Variants in FOCAD observed in about 807,000 individuals in gnomAD.
FOCAD encodes the protein focadhesin, also known as KIAA1797.
Under a neutral mutation model 225.6 loss-of-function variants are expected in FOCAD, and 198 were observed. The observed-to-expected ratio is 0.88, with a 90% CI of 0.78 to 0.99. The LOEUF is 0.99. FOCAD is among the 50% of genes least tolerant of loss of function. FOCAD has a pLI of 0.00. For synonymous variants in FOCAD, 897 were observed against 755.0 expected (o/e 1.19, Z -3.08); for missense variants, 2,713 against 2,123.6 (o/e 1.28, Z -5.46).
At chr9:20,686,423 C>T (rs1019093645) in intron 1 of FOCAD, among the ~76,000 whole-genome samples, 3 of 152,176 alleles carry the variant, frequency 2.0e-5, no homozygotes, top group African/African-American at 7.2e-5. Flanking sequence ...TTACATCTTT[C>T]AGTTCTAGAA....
At chr9:20,836,635 A>C (rs993382211) in intron 15 of FOCAD, among the ~76,000 whole-genome samples, 2 of 152,034 alleles carry the variant, frequency 1.3e-5, no homozygotes, top group Admixed American at 6.6e-5. Context: ...CGAAAGTTGT[A>C]GTTTGGCCTT....
intron 25 of FOCAD, among the ~76,000 whole-genome samples, chr9:20,924,146 T>C (rs1366037720): frequency 6.6e-6 from 1 of 151,696 alleles, no homozygotes; most frequent in Non-Finnish European, 1.5e-5. Context: ...ATTTTAATTG[T>C]ATATGTCAAT....
At position 20,990,153 on chromosome 9, in the gene FOCAD, A is replaced by T. The variant is rs1457097230; in HGVS notation, c.5035A>T (p.Thr1679Ser). 6.2e-7 allele frequency: 1 copy of T among 1,613,992 alleles called. No homozygotes were observed. The highest frequency in any genetic ancestry group is 8.5e-7 in the Non-Finnish European group (1 of 1,180,012). The change falls in exon 42 of 44, where the codon ACC (threonine) becomes TCC (serine). Residue 1679 changes from threonine (T) to serine (S), a missense_variant. By Grantham distance (58) the Thr-to-Ser change is moderately conservative (BLOSUM62 1). Transcript: ENST00000338382. Reference sequence around the variant, plus strand: ...GGACTTCTTCTTGCTGATATTTGCAACCGCAGTGGTTGCATGGGCTGACCA... The same window carrying T: ...GGACTTCTTCTTGCTGATATTTGCATCCGCAGTGGTTGCATGGGCTGACCA... ...ALDFFLLIFA[T>S]AVVAWADHTA... is the part of the protein sequence containing the mutation.
rs561242478 is a variant in FOCAD, at chr9:20,808,392, C to G, written c.1456-11404C>G. ...AGGTTTGCCACCTGTAAGGCATTCACAGGCTAGTGTGTGTGAGAATGAATA... is the reference window on the plus strand; with the variant it reads ...AGGTTTGCCACCTGTAAGGCATTCAGAGGCTAGTGTGTGTGAGAATGAATA... On this transcript the variant is annotated intron_variant, in intron 11 of 43. Coordinates refer to ENST00000338382, the MANE Select transcript of FOCAD (RefSeq NM_001375567.1). 6.6e-5 allele frequency among the ~76,000 whole-genome samples: 10 copies of G among 152,250 alleles called. No homozygotes were observed. The South Asian group carries it at 1.0e-3, about 16-fold the overall frequency.
At position 20,720,547 on chromosome 9, in the gene FOCAD, C is replaced by G. The variant is rs779077221; in HGVS notation, c.287+13C>G. 14 of 1,612,770 alleles carry G rather than the reference C, an allele frequency of 8.7e-6. No homozygotes were observed. The highest frequency in any genetic ancestry group is 1.2e-5 in the Non-Finnish European group (14 of 1,179,456). ...TTCCATCAACCAGGTACTTTTTCCT[C>G]AGTGTTTGGTCAGTTAATGATTTAA... On this transcript the variant is annotated intron_variant, in intron 4 of 43. Coordinates refer to ENST00000338382, the MANE Select transcript of FOCAD (RefSeq NM_001375567.1).
rs772850384 is a variant in FOCAD, at chr9:20,820,965, C to T, written c.1687C>T (p.Arg563Cys). The change falls in exon 14 of 44, where the codon CGT becomes TGT. Residue 563 changes from arginine to cysteine, a missense_variant. Arg to Cys is a radical substitution (Grantham distance 180, BLOSUM62 -3). Coordinates refer to ENST00000338382, the MANE Select transcript of FOCAD (RefSeq NM_001375567.1). ...GGACCGAGTCTATCCTGAACTGCAGCGTTTCATGGCTGTGTCTGATGTACC... is the reference window on the plus strand; with the variant it reads ...GGACCGAGTCTATCCTGAACTGCAGTGTTTCATGGCTGTGTCTGATGTACC... Reference protein sequence around the residue: ...KQDRVYPELQRFMAVSDVPSL... With the variant: ...KQDRVYPELQCFMAVSDVPSL... The T allele has an allele frequency of 1.8e-5, 29 of 1,612,196 alleles. No individual in the cohort carries two copies. Among genetic ancestry groups the T allele is most frequent in the South Asian group, 8.8e-5 (8 of 91,008 alleles).
At position 20,874,869 on chromosome 9, in the gene FOCAD, A is replaced by G. The variant is rs182287282; in HGVS notation, c.2317+62A>G. 25 of 1,597,302 alleles carry G rather than the reference A, an allele frequency of 1.6e-5. No homozygotes were observed. The East Asian group carries it at 5.4e-4, about 34-fold the overall frequency. On this transcript the variant is annotated intron_variant, in intron 19 of 43. Coordinates refer to ENST00000338382, the MANE Select transcript of FOCAD (RefSeq NM_001375567.1). Reference sequence around the variant, plus strand: ...TTAGTGGTTCGATTTGTCTGATTGTATTCTTTTGTGATAGGTACATAGTAT... The same window carrying G: ...TTAGTGGTTCGATTTGTCTGATTGTGTTCTTTTGTGATAGGTACATAGTAT...
At chr9:20,746,851 C>G (rs1000637771) in intron 5 of FOCAD, among the ~76,000 whole-genome samples, 5 of 152,052 alleles carry the variant, frequency 3.3e-5, no homozygotes, top group Non-Finnish European at 5.9e-5. Flanking sequence ...CCTTTTTAGC[C>G]TTTTAACATC....
At chr9:20,970,880 A>T (rs543553971) in intron 35 of FOCAD, among the ~76,000 whole-genome samples, 35 of 152,330 alleles carry the variant, frequency 2.3e-4, no homozygotes, top group African/African-American at 8.4e-4. Context: ...TTATGACATT[A>T]AGCATTAATG....
chr9:20,793,083 C>T (rs1820703179), intron 11 of FOCAD, among the ~76,000 whole-genome samples: 1 of 152,142 alleles, frequency 6.6e-6, no homozygotes, highest in Non-Finnish European at 1.5e-5. Context: ...CAGTCGGCTA[C>T]CTGTATTCTT....
intron 1 of FOCAD, among the ~76,000 whole-genome samples, chr9:20,711,593 G>T (rs569385408): frequency 6.6e-6 from 1 of 152,206 alleles, no homozygotes; most frequent in Non-Finnish European, 1.5e-5. Flanking sequence ...AACCTCTGAG[G>T]TGCTGGAAAG....
chr9:20,773,288 T>G (rs966807249), intron 8 of FOCAD, among the ~76,000 whole-genome samples: 6 of 152,352 alleles, frequency 3.9e-5, no homozygotes, highest in Middle Eastern at 3.4e-3. Flanking sequence ...ACAAGGTTCA[T>G]GAAGCTTATG....
At chr9:20,976,589 A>G (rs1156321145) in intron 36 of FOCAD, 41 bp downstream of exon 36, 1 of 1,598,280 alleles carries the variant, frequency 6.3e-7, no homozygotes, top group Non-Finnish European at 8.6e-7. Flanking sequence ...CTTTGATTTT[A>G]GTATTTGACC....
Position 20,912,867 on chromosome 9 carries a change from G to A in FOCAD, c.2720G>A (p.Gly907Glu), listed in dbSNP as rs1333306296. ...MNRAYHAILQ[G>E]RLGELELQLK... ...TGATTTATGCTGTGATTTTTGCAGGGAAGACTAGGAGAGCTGGAGTTGCAG... is the reference window on the plus strand; with the variant it reads ...TGATTTATGCTGTGATTTTTGCAGGAAAGACTAGGAGAGCTGGAGTTGCAG... Residue 907 changes from glycine (G) to glutamate (E), a missense_variant and splice_region_variant, in exon 23 of 44, where the codon GGA becomes GAA. Gly to Glu is a moderately conservative substitution (Grantham distance 98, BLOSUM62 -2). Transcript: ENST00000338382. 1 of 1,612,598 alleles carries A rather than the reference G, an allele frequency of 6.2e-7. No homozygotes were observed.
chr9:20,995,499 C>T, intron 43 of FOCAD, 57 bp from the exon 44 acceptor site: 4 of 1,449,338 alleles, frequency 2.8e-6, no homozygotes, highest in African/African-American at 1.4e-5. Flanking sequence ...GTTCTGACAC[C>T]TTTTTGATCA....
chr9:20,723,913 A>G (rs537204331), intron 4 of FOCAD, among the ~76,000 whole-genome samples: 1 of 152,172 alleles, frequency 6.6e-6, no homozygotes, highest in Non-Finnish European at 1.5e-5. Flanking sequence ...GGCTTCAGGA[A>G]GCTTACAGTC....
chr9:20,912,727 C>T lies in FOCAD; in HGVS notation c.2719-139C>T, dbSNP rs944396101. 8.2e-6 allele frequency: 5 copies of T among 609,500 alleles called. No individual in the cohort carries two copies. The East Asian group carries it at 1.4e-4, about 17-fold the overall frequency. 37.8% of individuals were successfully genotyped at this position (609,500 alleles called of 1,614,324 possible). On this transcript the variant is annotated intron_variant, in intron 22 of 43. Transcript: ENST00000338382. ...ATTGATGTGATGATTTCTCCTCACA[C>T]ATCCTCTTTCATAATCTAATGTCTT...
chr9:20,841,437 C>T (rs536388103), intron 15 of FOCAD, among the ~76,000 whole-genome samples: 1 of 151,594 alleles, frequency 6.6e-6, no homozygotes, highest in Admixed American at 6.6e-5. Flanking sequence ...CATTGCTCTC[C>T]TTACTTTTTA....
intron 5 of FOCAD, among the ~76,000 whole-genome samples, chr9:20,751,367 G>T (rs1374761076): frequency 8.8e-6 from 1 of 113,172 alleles, no homozygotes; most frequent in African/African-American, 3.4e-5. Flanking sequence ...GTGTCCATGT[G>T]TTCTCATTGT....
Sources: gnomAD v4.1 joint callset for allele counts (sites outside exome capture counted in the v4.1 genomes callset) on GRCh38, gnomAD v4.1.1 for gene constraint, MANE v1.5 for transcripts, NCBI Gene and HGNC (gene_info 2026-07-23, HGNC 2026-07-21) for gene names.